Variants in XPO6 observed in about 807,000 individuals in gnomAD.
The protein encoded by XPO6 is exportin-6.
A neutral mutation model predicts 130.0 loss-of-function variants in XPO6; 3 were observed. The ratio of observed to expected loss-of-function variants is 0.02; its 90% CI spans 0.01 to 0.06. XPO6 has a LOEUF of 0.06. Ranked by LOEUF, XPO6 falls within the 10% of genes least tolerant of loss-of-function variation. The pLI is 1.00. For synonymous variants in XPO6, 524 were observed against 548.9 expected (o/e 0.95, Z 0.63); for missense variants, 970 against 1,393.0 (o/e 0.70, Z 4.83).
chr16:28,149,123 A>C (rs1166863728), intron 8 of XPO6, among the ~76,000 whole-genome samples: 8 of 151,180 alleles, frequency 5.3e-5, no homozygotes, highest in Admixed American at 3.3e-4. Flanking sequence ...CCTCCCCCCC[A>C]GGGTATACCA....
Position 28,101,489 on chromosome 16 carries a change from C to T in XPO6, c.3245G>A (p.Ser1082Asn). Residue 1082 changes from serine to asparagine, a missense_variant, in exon 23 of 24, where the codon AGT becomes AAT. Coordinates refer to ENST00000304658, the MANE Select transcript of XPO6 (RefSeq NM_015171.4). The surrounding 1 kb of genome is among the most constrained non-coding windows in gnomAD (Gnocchi z 5.4). ...SCDGVDANQK[S>N]VLGRNFKMDR... ...CATCTTGAAATTCCGCCCCAGCACA[C>T]TTTTCTGGTTGGCATCCACACCATC... 5 of 1,614,216 alleles carry T rather than the reference C, an allele frequency of 3.1e-6. No homozygotes were observed. The highest frequency in any genetic ancestry group is 2.5e-6 in the Non-Finnish European group (3 of 1,180,028).
intron 1 of XPO6, among the ~76,000 whole-genome samples, chr16:28,189,408 C>G (rs986248735): frequency 6.6e-6 from 1 of 152,086 alleles, no homozygotes; most frequent in African/African-American, 2.4e-5. Flanking sequence ...CTGGATGACT[C>G]GCTCAAAGAC....
chr16:28,101,811 T>C lies in XPO6; in HGVS notation c.3045+36A>G, dbSNP rs947039484. 1 of 1,606,986 alleles carries C rather than the reference T, an allele frequency of 6.2e-7. No individual in the cohort carries two copies. Among genetic ancestry groups the C allele is most frequent in the African/African-American group, 1.3e-5 (1 of 74,786 alleles). On this transcript the variant is annotated intron_variant, in intron 22 of 23. Coordinates refer to ENST00000304658, the MANE Select transcript of XPO6 (RefSeq NM_015171.4). This position sits in a 1 kb window ranked among gnomAD's most constrained non-coding sequence, Gnocchi z 5.4. ...GGTGGGACACAGGCCACAATGCCCC[T>C]GATGGAAGAATATTTCCAAGAGCTG... is the stretch of plus-strand genomic sequence containing the variant.
chr16:28,206,338 C>T (rs77487965), intron 1 of XPO6, among the ~76,000 whole-genome samples: 8,254 of 151,988 alleles, frequency 0.054, 576 homozygotes, highest in East Asian at 0.17. Context: ...ATCAGAAGTT[C>T]AAGACCAGGC....
chr16:28,104,773 G>A, intron 20 of XPO6, 66 bp from the exon 21 acceptor site: 1 of 1,581,802 alleles, frequency 6.3e-7, no homozygotes, highest in Non-Finnish European at 8.6e-7. Context: ...GCCCAGGGCA[G>A]CAAAGATGCC....
At chr16:28,099,055 G>A (rs531797271) in intron 23 of XPO6, among the ~76,000 whole-genome samples, 1 of 152,318 alleles carries the variant, frequency 6.6e-6, no homozygotes, top group South Asian at 2.1e-4. Context: ...ACGCAGACAT[G>A]GCTGTGGTGA....
chr16:28,137,912 T>C (rs557865526), intron 9 of XPO6, among the ~76,000 whole-genome samples: 8 of 152,090 alleles, frequency 5.3e-5, no homozygotes, highest in Admixed American at 1.3e-4. Context: ...TGCCATCCTA[T>C]GTCCACGAGC....
intron 1 of XPO6, among the ~76,000 whole-genome samples, chr16:28,203,105 G>T (rs532835737): frequency 6.6e-6 from 1 of 152,082 alleles, no homozygotes; most frequent in Non-Finnish European, 1.5e-5. Flanking sequence ...GTGAAACCTC[G>T]TATCTACAAA....
chr16:28,190,475 C>T (rs1166529551), intron 1 of XPO6, among the ~76,000 whole-genome samples: 1 of 152,162 alleles, frequency 6.6e-6, no homozygotes, highest in South Asian at 2.1e-4. Context: ...CCGCCCACCT[C>T]GGCCTCCCAA....
chr16:28,109,542 T>C (rs542163077), intron 17 of XPO6, among the ~76,000 whole-genome samples: 2 of 152,150 alleles, frequency 1.3e-5, no homozygotes, highest in South Asian at 4.2e-4. Flanking sequence ...CAAGAGGAAA[T>C]GCGAACACGA....
At chr16:28,160,136 G>T (rs58747622) in intron 6 of XPO6, among the ~76,000 whole-genome samples, 7,695 of 136,274 alleles carry the variant, frequency 0.056, 537 homozygotes, top group East Asian at 0.18. Context: ...AGTAAGTAGA[G>T]ATTGCACCAC....
chr16:28,147,826 GATCCC>G (rs2043012697), intron 8 of XPO6, among the ~76,000 whole-genome samples: 1 of 152,150 alleles, frequency 6.6e-6, no homozygotes, highest in Admixed American at 6.5e-5. Flanking sequence ...GCACGCCTGT[GATCCC>G]AGCTACTCGG....
chr16:28,127,286 C>T (rs560829725), intron 12 of XPO6, among the ~76,000 whole-genome samples: 2 of 152,306 alleles, frequency 1.3e-5, no homozygotes, highest in South Asian at 4.1e-4. Flanking sequence ...ACATAGCCTC[C>T]AGCCTCTCAG....
chr16:28,185,606 T>C (rs1213975550), intron 1 of XPO6, among the ~76,000 whole-genome samples: 1 of 152,160 alleles, frequency 6.6e-6, no homozygotes, highest in African/African-American at 2.4e-5. Context: ...ATCAGACTCT[T>C]TAGAAACTGT....
Position 28,132,259 on chromosome 16 carries a change from C to T in XPO6, c.1606+75G>A, listed in dbSNP as rs2042686121. On this transcript the variant is annotated intron_variant, in intron 12 of 23. Transcript: ENST00000304658. This position sits in a 1 kb window ranked among gnomAD's most constrained non-coding sequence, Gnocchi z 4.0. ...TGAAGAAATCATGTTCCGACAGCAACGGCAGCAGTAATGAAATATCAGTCC... is the reference window on the plus strand; with the variant it reads ...TGAAGAAATCATGTTCCGACAGCAATGGCAGCAGTAATGAAATATCAGTCC... 4.4e-6 allele frequency: 5 copies of T among 1,131,822 alleles called. No individual in the cohort carries two copies. The highest frequency in any genetic ancestry group is 1.4e-5 in the South Asian group (1 of 72,228). 70.1% of individuals were successfully genotyped at this position (1,131,822 alleles called of 1,614,324 possible).
intron 9 of XPO6, among the ~76,000 whole-genome samples, chr16:28,143,324 T>C (rs554792982): frequency 2.4e-4 from 36 of 152,346 alleles, no homozygotes; most frequent in African/African-American, 8.7e-4. Context: ...ATCATTGCTG[T>C]TGTCATCACT....
At chr16:28,188,443 A>G (rs2141884279) in intron 1 of XPO6, among the ~76,000 whole-genome samples, 1 of 152,316 alleles carries the variant, frequency 6.6e-6, no homozygotes, top group East Asian at 1.9e-4. Flanking sequence ...TATCTAGAAC[A>G]GTGTCATTAC....
intron 5 of XPO6, chr16:28,167,234 A>G (rs1008052419): frequency 7.4e-5 from 73 of 985,326 alleles, no homozygotes; most frequent in Non-Finnish European, 8.3e-5. Flanking sequence ...AGGCAGTAAC[A>G]GACCTGCATG....
intron 21 of XPO6, among the ~76,000 whole-genome samples, chr16:28,102,611 G>T (rs763166581): frequency 6.6e-6 from 1 of 152,048 alleles, no homozygotes; most frequent in African/African-American, 2.4e-5. Context: ...GGTGGCGGAC[G>T]CCTGTAATCA....
Sources: gnomAD v4.1 joint callset for allele counts (sites outside exome capture counted in the v4.1 genomes callset) on GRCh38, gnomAD v4.1.1 for gene constraint, Gnocchi (gnomAD v3.1) non-coding constraint, MANE v1.5 for transcripts, NCBI Gene and HGNC (gene_info 2026-07-23, HGNC 2026-07-21) for gene names.